Variants in ILRUN observed in about 807,000 individuals in gnomAD.
ILRUN encodes protein ILRUN.
In ILRUN, 3 loss-of-function variants were observed where a neutral mutation model predicts 33.8. That is an observed-to-expected ratio of 0.09 (90% CI 0.04 to 0.23). ILRUN has a LOEUF of 0.23. Ranked by LOEUF, ILRUN falls within the 10% of genes least tolerant of loss-of-function variation. ILRUN has a pLI of 1.00. For synonymous variants in ILRUN, 124 were observed against 138.9 expected, an observed-to-expected ratio of 0.89 and a Z score of 0.75; for missense variants, 210 against 375.1, an observed-to-expected ratio of 0.56 and a Z score of 3.64.
intron 1 of ILRUN, among the ~76,000 whole-genome samples, chr6:34,672,141 C>T (rs1326109367): frequency 1.3e-5 from 2 of 151,636 alleles, no homozygotes; most frequent in African/African-American, 2.4e-5. Context: ...CTCGCTCTGT[C>T]GTTCAGGCTG....
At chr6:34,627,340 A>G (rs1391569560) in intron 3 of ILRUN, among the ~76,000 whole-genome samples, 1 of 152,190 alleles carries the variant, frequency 6.6e-6, no homozygotes, top group Non-Finnish European at 1.5e-5. Context: ...AATTTTGGCA[A>G]TTATAGATAA....
In ILRUN at chr6:34,587,353, T is replaced by A. The variant is rs1582023045; in HGVS notation, c.*3212A>T. The stretch of plus-strand genomic sequence containing the variant: ...ATTTATACAATAAGGAAAAACCTCC[T>A]CATCTTTATCTCCTCCTAGGCACCA... On this transcript the variant is annotated 3_prime_UTR_variant, in exon 5 of 5. Transcript: ENST00000374023. The A allele has an allele frequency of 6.6e-6, 1 of 152,590 alleles. No homozygotes were observed. The highest frequency in any genetic ancestry group is 1.9e-4 in the East Asian group (1 of 5,196). The allele number at this position is 152,590 out of a possible 1,614,324, so 9.5% of individuals were successfully genotyped here. A position where few individuals can be genotyped will look rare whatever the true frequency, so the allele number is the denominator to read the frequency against.
intron 3 of ILRUN, among the ~76,000 whole-genome samples, chr6:34,619,078 C>A (rs887834973): frequency 2.0e-5 from 3 of 151,940 alleles, no homozygotes; most frequent in Admixed American, 2.0e-4. Flanking sequence ...TCAGTTTCAG[C>A]GGAGTAATGG....
At chr6:34,695,907 A>T (rs1186389955) in intron 1 of ILRUN, among the ~76,000 whole-genome samples, 17 of 146,798 alleles carry the variant, frequency 1.2e-4, no homozygotes, top group Non-Finnish European at 1.5e-5. Context: ...ATGGAAAGAG[A>T]CAGACACATA....
At chr6:34,596,958 C>T (rs1380656039) in intron 4 of ILRUN, among the ~76,000 whole-genome samples, 1 of 152,084 alleles carries the variant, frequency 6.6e-6, no homozygotes, top group African/African-American at 2.4e-5. Flanking sequence ...TCCAACCCTT[C>T]ATCATTCATC....
chr6:34,664,170 T>C, intron 1 of ILRUN, among the ~76,000 whole-genome samples: 1 of 152,236 alleles, frequency 6.6e-6, no homozygotes, highest in Non-Finnish European at 1.5e-5. Context: ...TATAAATGTG[T>C]GCGTTTTTAA....
At chr6:34,598,674 A>C (rs1340377261) in intron 4 of ILRUN, among the ~76,000 whole-genome samples, 1 of 152,232 alleles carries the variant, frequency 6.6e-6, no homozygotes, top group Non-Finnish European at 1.5e-5. Flanking sequence ...GACAGCTTTG[A>C]AGCTACTGAG....
chr6:34,686,361 G>A (rs986034859), intron 1 of ILRUN, among the ~76,000 whole-genome samples: 1 of 151,830 alleles, frequency 6.6e-6, no homozygotes, highest in Non-Finnish European at 1.5e-5. Context: ...TTAGCCGGGC[G>A]TGGTGGCGGG....
intron 1 of ILRUN, among the ~76,000 whole-genome samples, chr6:34,658,465 C>A (rs1762819714): frequency 6.7e-6 from 1 of 149,572 alleles, no homozygotes. Flanking sequence ...GCAGATTTTA[C>A]CACAATGAAA....
chr6:34,650,433 TTA>T (rs1250297311), intron 2 of ILRUN, among the ~76,000 whole-genome samples: 2 of 150,138 alleles, frequency 1.3e-5, no homozygotes, highest in African/African-American at 2.4e-5. Flanking sequence ...ATTTATTTAT[TTA>T]TTTATTTATT....
At chr6:34,624,993 T>G (rs1487387668) in intron 3 of ILRUN, among the ~76,000 whole-genome samples, 1 of 152,148 alleles carries the variant, frequency 6.6e-6, no homozygotes, top group Non-Finnish European at 1.5e-5. Context: ...TCCCCATCAA[T>G]ATCACAAACC....
chr6:34,637,315 A>G (rs952907899), intron 3 of ILRUN, among the ~76,000 whole-genome samples: 2 of 152,216 alleles, frequency 1.3e-5, no homozygotes, highest in African/African-American at 4.8e-5. Context: ...AAAACAGTCA[A>G]TGGTTTTACA....
intron 3 of ILRUN, among the ~76,000 whole-genome samples, chr6:34,628,252 C>T (rs1762178531): frequency 6.6e-6 from 1 of 152,066 alleles, no homozygotes; most frequent in Non-Finnish European, 1.5e-5. Context: ...AACTCCTGAC[C>T]TCAGGTGATC....
intron 3 of ILRUN, among the ~76,000 whole-genome samples, chr6:34,632,969 G>C (rs1191735302): frequency 6.6e-6 from 1 of 152,130 alleles, no homozygotes; most frequent in Non-Finnish European, 1.5e-5. Flanking sequence ...TATTAAATGT[G>C]AATAGTCTAA....
Position 34,593,843 on chromosome 6 carries a change from A to C in ILRUN, c.862-3243T>G, listed in dbSNP as rs150560349. Among the ~76,000 whole-genome samples, 648 of 152,280 alleles carry C rather than the reference A, an allele frequency of 4.3e-3. 5 individuals carry two copies. The highest frequency in any genetic ancestry group is 0.015 in the African/African-American group (603 of 41,538). On this transcript the variant is annotated intron_variant, in intron 4 of 4. Transcript: ENST00000374023. ...AGGTGTCTCATGTGGATCACAGAACACAGGCAACATAACACCAGTTGTAGA... is the reference window on the plus strand; with the variant it reads ...AGGTGTCTCATGTGGATCACAGAACCCAGGCAACATAACACCAGTTGTAGA...
At chr6:34,610,347 A>T (rs1761723042) in intron 3 of ILRUN, among the ~76,000 whole-genome samples, 1 of 152,154 alleles carries the variant, frequency 6.6e-6, no homozygotes, top group African/African-American at 2.4e-5. Flanking sequence ...CAATCTCATA[A>T]ATCAATCCAA....
chr6:34,620,671 A>T (rs1304550511), intron 3 of ILRUN, among the ~76,000 whole-genome samples: 2 of 152,136 alleles, frequency 1.3e-5, no homozygotes, highest in South Asian at 2.1e-4. Flanking sequence ...TACAAAAAAA[A>T]TTTAAAAATT....
chr6:34,598,181 T>G (rs942001185), intron 4 of ILRUN, among the ~76,000 whole-genome samples: 1 of 152,196 alleles, frequency 6.6e-6, no homozygotes, highest in Non-Finnish European at 1.5e-5. Flanking sequence ...TCAGTCAATA[T>G]TATTGACTGT....
chr6:34,695,418 C>T (rs183162695), intron 1 of ILRUN, among the ~76,000 whole-genome samples: 1 of 152,332 alleles, frequency 6.6e-6, no homozygotes, highest in Admixed American at 6.5e-5. Context: ...ATCCAACAAC[C>T]TCTATTCAGA....
Sources: gnomAD v4.1 joint callset for allele counts (sites outside exome capture counted in the v4.1 genomes callset) on GRCh38, gnomAD v4.1.1 for gene constraint, MANE v1.5 for transcripts, NCBI Gene and HGNC (gene_info 2026-07-23, HGNC 2026-07-21) for gene names.